The following ST8SIA1 variants were observed in gnomAD, a reference collection of about 807,000 sequenced individuals.
ST8SIA1 encodes alpha-N-acetylneuraminide alpha-2,8-sialyltransferase.
ST8SIA1 carries 16 observed loss-of-function variants against 35.9 expected under a neutral mutation model. The observed-to-expected ratio is 0.45, with a 90% confidence interval of 0.30 to 0.68. The LOEUF (loss-of-function observed/expected upper bound fraction) is 0.68, where lower values mean the gene tolerates loss of function less well. ST8SIA1 is among the 30% of genes least tolerant of loss of function. The pLI is 0.09. For missense variants in ST8SIA1, 383 were observed against 453.6 expected (o/e 0.84, Z 1.41); for synonymous variants, 170 against 169.6 (o/e 1.00, Z -0.02).
chr12:22,286,634 C>T lies in ST8SIA1; in HGVS notation c.381+515G>A, dbSNP rs986583154. On this transcript the variant is annotated intron_variant, in intron 2 of 4. Coordinates refer to ENST00000396037, the MANE Select transcript of ST8SIA1 (RefSeq NM_003034.4). ...AAGAATAAATATTAAGTAAGCAAAGCTTGATTTAGACCACTTCAAAAGTGG... is the reference window on the plus strand; with the variant it reads ...AAGAATAAATATTAAGTAAGCAAAGTTTGATTTAGACCACTTCAAAAGTGG... 4.8e-5 allele frequency: 22 copies of T among 456,454 alleles called. No individual in the cohort carries two copies. In the Admixed American group the frequency reaches 5.4e-4, roughly 11 times the overall value. The allele number at this position is 456,454 out of a possible 1,614,324, so 28.3% of individuals were successfully genotyped here. A position where few individuals can be genotyped will look rare whatever the true frequency, so the allele number is the denominator to read the frequency against.
intron 1 of ST8SIA1, among the ~76,000 whole-genome samples, chr12:22,292,979 T>C (rs1049812311): frequency 2.0e-5 from 3 of 152,232 alleles, no homozygotes; most frequent in African/African-American, 7.2e-5. Flanking sequence ...AAGCAGAGAA[T>C]TGCAATGTGC....
At chr12:22,282,330 A>G (rs1866046990) in intron 2 of ST8SIA1, among the ~76,000 whole-genome samples, 1 of 152,216 alleles carries the variant, frequency 6.6e-6, no homozygotes, top group Non-Finnish European at 1.5e-5. Context: ...AGTCGCTGTA[A>G]GGGCTGAGCG....
chr12:22,253,723 G>T (rs1406630172), intron 3 of ST8SIA1, among the ~76,000 whole-genome samples: 4 of 152,104 alleles, frequency 2.6e-5, no homozygotes, highest in Non-Finnish European at 5.9e-5. Flanking sequence ...CTTTTCTGTT[G>T]TTTGTTCACG....
chr12:22,300,635 G>C (rs1866307586), intron 1 of ST8SIA1, among the ~76,000 whole-genome samples: 1 of 152,030 alleles, frequency 6.6e-6, no homozygotes, highest in South Asian at 2.1e-4. Context: ...CTTATTGTTT[G>C]GAAAACTAAG....
At chr12:22,273,781 T>G (rs2135807989) in intron 2 of ST8SIA1, among the ~76,000 whole-genome samples, 1 of 152,252 alleles carries the variant, frequency 6.6e-6, no homozygotes, top group South Asian at 2.1e-4. Flanking sequence ...CCACTAAAAT[T>G]TATTGAATCT....
chr12:22,279,124 A>G lies in ST8SIA1; in HGVS notation c.381+8025T>C, dbSNP rs1317789163. Reference sequence around the variant, plus strand: ...TTATCCAGCCTACTTCTCAATCTCTATATACACCTGAACCTACAGCTGGGG... The same window carrying G: ...TTATCCAGCCTACTTCTCAATCTCTGTATACACCTGAACCTACAGCTGGGG... On this transcript the variant is annotated intron_variant, in intron 2 of 4. Transcript: ENST00000396037. 2.6e-5 allele frequency among the ~76,000 whole-genome samples: 4 copies of G among 152,098 alleles called. No individual in the cohort carries two copies. The East Asian group carries it at 5.8e-4, about 22-fold the overall frequency.
chr12:22,328,222 C>T (rs895202778), intron 1 of ST8SIA1, among the ~76,000 whole-genome samples: 2 of 152,216 alleles, frequency 1.3e-5, no homozygotes, highest in African/African-American at 4.8e-5. Flanking sequence ...TGCTACACTG[C>T]CAGAGTGCTG....
intron 4 of ST8SIA1, among the ~76,000 whole-genome samples, chr12:22,202,473 C>T (rs1009968087): frequency 6.6e-6 from 1 of 152,126 alleles, no homozygotes; most frequent in East Asian, 1.9e-4. Context: ...GATACCTCTC[C>T]CCACTGAAAT....
chr12:22,325,708 G>A, intron 1 of ST8SIA1: 1 of 613,904 alleles, frequency 1.6e-6, no homozygotes, highest in South Asian at 2.1e-5. Flanking sequence ...ATACATACAT[G>A]CCTATGATAA....
intron 4 of ST8SIA1, among the ~76,000 whole-genome samples, chr12:22,237,682 T>A (rs910736697): frequency 6.6e-6 from 1 of 151,882 alleles, no homozygotes; most frequent in Non-Finnish European, 1.5e-5. Flanking sequence ...TTTTTTTAGG[T>A]TTGGAGATAC....
intron 4 of ST8SIA1, among the ~76,000 whole-genome samples, chr12:22,229,615 CAAAAAAAAAAAA>C (rs11290260): frequency 3.2e-5 from 3 of 93,746 alleles, no homozygotes; most frequent in Non-Finnish European, 6.6e-5. Flanking sequence ...GACCGGGTTT[CAAAAAAAAAAAA>C]AAAAAAAAAA....
intron 4 of ST8SIA1, among the ~76,000 whole-genome samples, chr12:22,216,546 A>G (rs577584071): frequency 1.3e-5 from 2 of 152,070 alleles, no homozygotes; most frequent in South Asian, 2.1e-4. Context: ...GTTTTCCATG[A>G]CCCTGAGCCT....
chr12:22,238,231 T>A (rs1865497805), intron 4 of ST8SIA1, among the ~76,000 whole-genome samples: 1 of 152,228 alleles, frequency 6.6e-6, no homozygotes, highest in African/African-American at 2.4e-5. Context: ...GACTTTGTGA[T>A]TGCTTCAAGC....
At chr12:22,297,323 G>A (rs1384129589) in intron 1 of ST8SIA1, among the ~76,000 whole-genome samples, 8 of 150,640 alleles carry the variant, frequency 5.3e-5, no homozygotes. Flanking sequence ...TAAGACCCTG[G>A]AGTCAGCTCC....
At chr12:22,304,314 G>C (rs1474544529) in intron 1 of ST8SIA1, among the ~76,000 whole-genome samples, 1 of 148,814 alleles carries the variant, frequency 6.7e-6, no homozygotes, top group Non-Finnish European at 1.5e-5. Flanking sequence ...TTTCTCCTAG[G>C]ACCTTGTCTT....
chr12:22,207,941 G>A (rs1208745201), intron 4 of ST8SIA1, among the ~76,000 whole-genome samples: 2 of 151,882 alleles, frequency 1.3e-5, no homozygotes, highest in South Asian at 2.1e-4. Flanking sequence ...TCAGGAGTTC[G>A]AGACCAGCCT....
In ST8SIA1 at chr12:22,193,605, T is replaced by C. The variant is rs1488618849; in HGVS notation, c.*7947A>G. ...AGTCAGCAGAACCAACAGAGATAGA[T>C]ACTAATTTTTCTAATCACACCGTAG... On this transcript the variant is annotated 3_prime_UTR_variant, in exon 5 of 5. Coordinates refer to ENST00000396037, the MANE Select transcript of ST8SIA1 (RefSeq NM_003034.4). The C allele has an allele frequency of 2.0e-5, 3 of 152,182 alleles. 1 individual carries two copies. Among genetic ancestry groups the C allele is most frequent in the Admixed American group, 2.0e-4 (3 of 15,272 alleles). 9.4% of individuals were successfully genotyped at this position (152,182 alleles called of 1,614,324 possible).
At chr12:22,323,650 A>G (rs917091677) in intron 1 of ST8SIA1, among the ~76,000 whole-genome samples, 2 of 152,242 alleles carry the variant, frequency 1.3e-5, no homozygotes, top group African/African-American at 4.8e-5. Context: ...TGTGGTACGT[A>G]TACACCATGG....
chr12:22,293,136 G>A (rs979229454), intron 1 of ST8SIA1, among the ~76,000 whole-genome samples: 6 of 152,192 alleles, frequency 3.9e-5, no homozygotes, highest in African/African-American at 1.2e-4. Flanking sequence ...GAAGATCCAG[G>A]ATTTGGGGTA....
Sources: allele counts gnomAD v4.1 joint callset (sites outside exome capture counted in the v4.1 genomes callset), GRCh38; gene constraint gnomAD v4.1.1; transcripts MANE v1.5; gene names NCBI Gene and HGNC (gene_info 2026-07-23, HGNC 2026-07-21).